RAB44: variants seen among roughly 807,000 people sequenced by gnomAD.
The protein encoded by RAB44 is RAB44, member RAS oncogene family.
A neutral mutation model predicts 93.3 loss-of-function variants in RAB44; 67 were observed. That is an observed-to-expected ratio of 0.72 (90% CI 0.59 to 0.88). The LOEUF (loss-of-function observed/expected upper bound fraction) is 0.88. Among genes scored for constraint, RAB44 ranks in the 40% least tolerant of loss-of-function variants. RAB44 has a pLI of 0.00. For synonymous variants in RAB44, 427 were observed against 520.3 expected (o/e 0.82, Z 2.44); for missense variants, 1,064 against 1,261.7 (o/e 0.84, Z 2.37).
intron 4 of RAB44, 86 bp downstream of exon 4, chr6:36,715,739 G>A: frequency 1.4e-6 from 2 of 1,389,170 alleles, no homozygotes; most frequent in Non-Finnish European, 1.9e-6. Context: ...GGGGTCAAGG[G>A]GGCAGGCGCC....
intron 3 of RAB44, among the ~76,000 whole-genome samples, chr6:36,715,206 T>A (rs1167434186): frequency 6.6e-6 from 1 of 152,150 alleles, no homozygotes; most frequent in Non-Finnish European, 1.5e-5. Context: ...ATCCATTGAT[T>A]GAGTGCATGA....
intron 7 of RAB44, among the ~76,000 whole-genome samples, chr6:36,719,036 C>G (rs1763002125): frequency 6.6e-6 from 1 of 152,176 alleles, no homozygotes; most frequent in South Asian, 2.1e-4. Flanking sequence ...TCTCCTGCCT[C>G]AGCCTCCCGA....
At chr6:36,715,397 G>A (rs1762889810) in intron 3 of RAB44, 82 bp from the exon 4 acceptor site, 1 of 1,299,670 alleles carries the variant, frequency 7.7e-7, no homozygotes, top group Non-Finnish European at 1.1e-6. Context: ...ACTTCCCTGA[G>A]GGCTGGACCA....
intron 3 of RAB44, 32 bp downstream of exon 3, chr6:36,713,971 C>T (rs1196798382): frequency 7.3e-7 from 1 of 1,377,626 alleles, no homozygotes; most frequent in Admixed American, 2.0e-5. Context: ...CTCTGGGCAC[C>T]CAGGTGTTCC....
chr6:36,698,107 C>T (rs982841361), intron 1 of RAB44, among the ~76,000 whole-genome samples, 192 bp downstream of exon 1: 1 of 152,286 alleles, frequency 6.6e-6, no homozygotes, highest in Admixed American at 6.5e-5. Context: ...GGCTGGGGTA[C>T]ATCACTACCC....
At position 36,722,144 on chromosome 6, in the gene RAB44, G is replaced by A. The variant is rs1763103234; in HGVS notation, c.2010G>A (p.Leu670=). 4 of 1,236,502 alleles carry A rather than the reference G, an allele frequency of 3.2e-6. No homozygotes were observed. The South Asian group carries it at 1.2e-4, about 38-fold the overall frequency. 76.6% of individuals were successfully genotyped at this position (1,236,502 alleles called of 1,614,324 possible). A position where few individuals can be genotyped will look rare whatever the true frequency, so the allele number is the denominator to read the frequency against. ...TGTCTGCCTTCCCCCACCAGGAGCTGGAAGAGGAACCCAGGTCTGAGGAAG... is the reference window on the plus strand; with the variant it reads ...TGTCTGCCTTCCCCCACCAGGAGCTAGAAGAGGAACCCAGGTCTGAGGAAG... ...GELSAFPHQE[L]EEEPRSEEGK... is the part of the protein sequence containing the mutation. The change falls in exon 9 of 14, where the codon CTG becomes CTA. Residue 670 remains leucine (L), a synonymous_variant. Transcript: ENST00000612677.
At chr6:36,704,844 G>A (rs1762604214) in intron 2 of RAB44, among the ~76,000 whole-genome samples, 2 of 152,202 alleles carry the variant, frequency 1.3e-5, no homozygotes, top group Non-Finnish European at 2.9e-5. Flanking sequence ...GGGTGGCCAG[G>A]TGTTGTGGTT....
Position 36,722,412 on chromosome 6 carries a change from G to T in RAB44, c.2278G>T (p.Glu760Ter). The T allele has an allele frequency of 7.1e-7, 1 of 1,412,844 alleles. No individual in the cohort carries two copies. The highest frequency in any genetic ancestry group is 1.6e-5 in the South Asian group (1 of 60,644). The allele number at this position is 1,412,844 out of a possible 1,614,324, so 87.5% of individuals were successfully genotyped here. Residue 760 changes from glutamate (E) to a stop codon, truncating the protein, a stop_gained, in exon 9 of 14, where the codon GAA (glutamate) becomes TAA (stop). Transcript: ENST00000612677. LOFTEE classifies it high-confidence loss of function. ...GCCTGGGGCTGGAGCAGGACCCCAGGAACCCACGCAAACCCCTCCCACCAT... is the reference window on the plus strand; with the variant it reads ...GCCTGGGGCTGGAGCAGGACCCCAGTAACCCACGCAAACCCCTCCCACCAT... ...AQPGAGAGPQ[E>*]PTQTPPTMAE...
At chr6:36,723,930 ACATGCCGACTGGGGAT>A (rs1435621882) in intron 9 of RAB44, among the ~76,000 whole-genome samples, 1 of 149,350 alleles carries the variant, frequency 6.7e-6, no homozygotes, top group African/African-American at 2.4e-5. Context: ...AGACCAGGGC[ACATGCCGACTGGGGAT>A]CAGAGCCAGA....
intron 9 of RAB44, among the ~76,000 whole-genome samples, chr6:36,723,573 C>G (rs1036494765): frequency 2.0e-5 from 3 of 152,038 alleles, no homozygotes; most frequent in Non-Finnish European, 4.4e-5. Context: ...CAGTGGCTCA[C>G]ACCTGTAATC....
chr6:36,718,397 C>A, intron 6 of RAB44, 96 bp from the exon 7 acceptor site: 1 of 601,720 alleles, frequency 1.7e-6, no homozygotes, highest in Non-Finnish European at 2.4e-6. Context: ...CTGGCCCAGG[C>A]ACCCCAGGTG....
At position 36,717,145 on chromosome 6, in the gene RAB44, A is replaced by G. The variant is rs142631054; in HGVS notation, c.495-128A>G. The G allele has an allele frequency of 1.7e-3, 1,491 of 879,562 alleles. 10 individuals carry two copies. The highest frequency in any genetic ancestry group is 1.8e-3 in the Non-Finnish European group (1,179 of 666,974). 54.5% of individuals were successfully genotyped at this position (879,562 alleles called of 1,614,324 possible). A position where few individuals can be genotyped will look rare whatever the true frequency, so the allele number is the denominator to read the frequency against. ...TTTAGTTGCATCTTGTAGGGTGTCA[A>G]TAGATTTGGCCCAGGTGCCAAAGTC... On this transcript the variant is annotated intron_variant, in intron 4 of 13. Coordinates refer to ENST00000612677, the MANE Select transcript of RAB44 (RefSeq NM_001257357.2). The surrounding 1 kb of genome is among the most constrained non-coding windows in gnomAD (Gnocchi z 4.1).
At chr6:36,722,780 G>A in intron 9 of RAB44, 47 bp downstream of exon 9, 1 of 1,546,630 alleles carries the variant, frequency 6.5e-7, no homozygotes, top group Non-Finnish European at 8.7e-7. Context: ...AGACGCAGGG[G>A]CCAGGGCCAA....
rs1763375704 is a variant in RAB44 at position 36,732,057 on chromosome 6, C to G, written c.3030C>G (p.Pro1010=). 8.1e-7 allele frequency: 1 copy of G among 1,234,326 alleles called. No individual in the cohort carries two copies. Among genetic ancestry groups the G allele is most frequent in the South Asian group, 4.1e-5 (1 of 24,426 alleles). The allele number at this position is 1,234,326 out of a possible 1,614,324, so 76.5% of individuals were successfully genotyped here. The change falls in exon 14 of 14, where the codon CCC becomes CCG. Residue 1010 remains proline (P), a synonymous_variant. Transcript: ENST00000612677. The stretch of plus-strand genomic sequence containing the variant: ...AGGACTCGCTGGTGAAGGTGGCCCC[C>G]AAGAGGCCGCCCAAGAGATTCGGCT... ...GLKDSLVKVA[P]KRPPKRFGCC...
Position 36,715,654 on chromosome 6 carries a change from G to A in RAB44, c.494+1G>A. ...TGGGGACTGGACACTTACTTCCCAA[G>A]TAAGGCCAGGGCGGCATGTGCATGG... is the stretch of plus-strand genomic sequence containing the variant. On this transcript the variant is annotated splice_donor_variant, in intron 4 of 13. Coordinates refer to ENST00000612677, the MANE Select transcript of RAB44 (RefSeq NM_001257357.2). LOFTEE classifies it high-confidence loss of function. The A allele has an allele frequency of 6.5e-7, 1 of 1,535,904 alleles. No homozygotes were observed. The highest frequency in any genetic ancestry group is 1.2e-5 in the South Asian group (1 of 84,056).
chr6:36,720,500 C>T lies in RAB44; in HGVS notation c.966C>T (p.Arg322=). ...VRGQLQVTRG[R]LDAARGRVSW... ...GGCAGCTGCAGGTGACCAGGGGGCG[C>T]CTGGACGCCGCCAGGGGCCGGGTGT... The change falls in exon 8 of 14, where the codon CGC becomes CGT. Residue 322 remains arginine (R), a synonymous_variant. Coordinates refer to ENST00000612677, the MANE Select transcript of RAB44 (RefSeq NM_001257357.2). 1.6e-6 allele frequency: 2 copies of T among 1,233,384 alleles called. No individual in the cohort carries two copies. The highest frequency in any genetic ancestry group is 2.0e-6 in the Non-Finnish European group (2 of 988,232). 76.4% of individuals were successfully genotyped at this position (1,233,384 alleles called of 1,614,324 possible). A position where few individuals can be genotyped will look rare whatever the true frequency, so the allele number is the denominator to read the frequency against.
At chr6:36,700,168 A>C (rs909214512) in intron 1 of RAB44, among the ~76,000 whole-genome samples, 3 of 152,208 alleles carry the variant, frequency 2.0e-5, no homozygotes, top group African/African-American at 4.8e-5. Context: ...TTTCAACTTT[A>C]ATTATCTTGC....
chr6:36,720,824 T>TACAC (rs368043842), intron 8 of RAB44, among the ~76,000 whole-genome samples: 1 of 151,882 alleles, frequency 6.6e-6, no homozygotes, highest in Non-Finnish European at 1.5e-5. Flanking sequence ...CACACACACA[T>TACAC]ACACACACAC....
chr6:36,719,901 G>A (rs1018007610), intron 7 of RAB44, among the ~76,000 whole-genome samples: 4 of 152,178 alleles, frequency 2.6e-5, no homozygotes, highest in Non-Finnish European at 4.4e-5. Context: ...AGGTGAGGAG[G>A]CTGCAGGAGA....
Sources: allele counts gnomAD v4.1 joint callset (sites outside exome capture counted in the v4.1 genomes callset), GRCh38; gene constraint gnomAD v4.1.1; non-coding constraint Gnocchi (gnomAD v3.1); transcripts MANE v1.5; gene names NCBI Gene and HGNC (gene_info 2026-07-23, HGNC 2026-07-21).